The following PAK5 variants were observed in gnomAD, a reference collection of about 807,000 sequenced individuals.
The protein encoded by PAK5 is serine/threonine-protein kinase PAK 5.
In PAK5, 16 loss-of-function variants were observed where a neutral mutation model predicts 65.9. The ratio of observed to expected loss-of-function variants is 0.24; its 90% confidence interval spans 0.16 to 0.37. The LOEUF is 0.37. PAK5 is among the 10% of genes least tolerant of loss of function. PAK5 has a pLI of 1.00. For missense variants in PAK5, 785 were observed against 903.9 expected, an observed-to-expected ratio of 0.87 and a Z score of 1.69; for synonymous variants, 371 against 354.9, an observed-to-expected ratio of 1.05 and a Z score of -0.51.
intron 1 of PAK5, among the ~76,000 whole-genome samples, chr20:9,770,782 G>A (rs938364252): frequency 6.6e-6 from 1 of 152,152 alleles, no homozygotes; most frequent in African/African-American, 2.4e-5. Flanking sequence ...TGGGGTTGAA[G>A]AATCGTTGGA....
intron 4 of PAK5, among the ~76,000 whole-genome samples, chr20:9,569,738 C>T (rs1249730807): frequency 6.7e-6 from 1 of 149,148 alleles, no homozygotes; most frequent in Non-Finnish European, 1.5e-5. Context: ...ACACAGTGGG[C>T]TCTTTAAAAT....
chr20:9,604,864 T>A (rs2046423370), intron 3 of PAK5, among the ~76,000 whole-genome samples: 1 of 152,152 alleles, frequency 6.6e-6, no homozygotes, highest in African/African-American at 2.4e-5. Flanking sequence ...CTTGTACAAC[T>A]CCTCACTGGG....
In PAK5 at chr20:9,786,266, G is replaced by A. The variant is rs527600111; in HGVS notation, c.-162+52496C>T. Among the ~76,000 whole-genome samples, 22 of 152,122 alleles carry A rather than the reference G, an allele frequency of 1.4e-4. No homozygotes were observed. In the South Asian group the frequency reaches 3.5e-3, roughly 24 times the overall value. ...GGAAGTTGAGTATTTGAGCTTTCAAGGAAGAAGTAGGCTGTGAATGATTTT... is the reference window on the plus strand; with the variant it reads ...GGAAGTTGAGTATTTGAGCTTTCAAAGAAGAAGTAGGCTGTGAATGATTTT... On this transcript the variant is annotated intron_variant, in intron 1 of 9. Transcript: ENST00000353224.
At chr20:9,688,937 G>A (rs1271361549) in intron 2 of PAK5, among the ~76,000 whole-genome samples, 1 of 152,104 alleles carries the variant, frequency 6.6e-6, no homozygotes, top group Non-Finnish European at 1.5e-5. Flanking sequence ...CTGCACCAAC[G>A]TAGTTTCATC....
intron 2 of PAK5, among the ~76,000 whole-genome samples, chr20:9,682,998 G>A (rs1428828795): frequency 6.6e-6 from 1 of 152,158 alleles, no homozygotes; most frequent in Non-Finnish European, 1.5e-5. Flanking sequence ...AAAACTTAGC[G>A]CTTAAGTAAT....
intron 1 of PAK5, among the ~76,000 whole-genome samples, chr20:9,736,027 G>C (rs888805721): frequency 1.3e-5 from 2 of 150,846 alleles, no homozygotes; most frequent in Non-Finnish European, 2.9e-5. Context: ...TCAGCCTCCC[G>C]AGTAGCTGGG....
chr20:9,815,188 C>T (rs1169746681), intron 1 of PAK5, among the ~76,000 whole-genome samples: 2 of 152,196 alleles, frequency 1.3e-5, no homozygotes, highest in Non-Finnish European at 2.9e-5. Flanking sequence ...ATGATCCAAA[C>T]ACTTCCTACC....
intron 3 of PAK5, among the ~76,000 whole-genome samples, chr20:9,621,368 C>A (rs2046764670): frequency 7.1e-6 from 1 of 141,156 alleles, no homozygotes. Context: ...GAATAGACAG[C>A]TTAAAAAAAT....
intron 6 of PAK5, among the ~76,000 whole-genome samples, chr20:9,561,512 C>A (rs944582011): frequency 6.6e-6 from 1 of 152,096 alleles, no homozygotes; most frequent in Non-Finnish European, 1.5e-5. Flanking sequence ...CAAGAGTCTG[C>A]CAGCTGAATT....
chr20:9,784,065 G>T (rs2048968772), intron 1 of PAK5, among the ~76,000 whole-genome samples: 1 of 152,144 alleles, frequency 6.6e-6, no homozygotes, highest in African/African-American at 2.4e-5. Context: ...AGTAGCAGAT[G>T]CCAGTGTCCT....
intron 1 of PAK5, among the ~76,000 whole-genome samples, chr20:9,731,430 T>C (rs1188467602): frequency 6.6e-6 from 1 of 152,222 alleles, no homozygotes; most frequent in East Asian, 1.9e-4. Context: ...TTTTATGCTT[T>C]CAGCACAAAT....
At chr20:9,744,436 A>C (rs2048484342) in intron 1 of PAK5, among the ~76,000 whole-genome samples, 1 of 152,220 alleles carries the variant, frequency 6.6e-6, no homozygotes, top group South Asian at 2.1e-4. Flanking sequence ...AGATCATTTA[A>C]GCTCATTATA....
At chr20:9,680,711 G>A (rs1240641035) in intron 2 of PAK5, among the ~76,000 whole-genome samples, 2 of 152,196 alleles carry the variant, frequency 1.3e-5, no homozygotes, top group Non-Finnish European at 2.9e-5. Context: ...ATATAGACAT[G>A]TAGAGGAATG....
In PAK5 at chr20:9,580,888, T is replaced by C. The variant is rs1473864222; in HGVS notation, c.247A>G (p.Asn83Asp). The C allele has an allele frequency of 6.2e-7, 1 of 1,607,766 alleles. No homozygotes were observed. The highest frequency in any genetic ancestry group is 1.3e-5 in the African/African-American group (1 of 74,334). The change falls in exon 4 of 10, where the codon AAC becomes GAC. Residue 83 changes from asparagine (N) to aspartate (D), a missense_variant. Physicochemically the swap from Asn to Asp is conservative, Grantham distance 23. Around this residue, in one of 4 missense-constraint regions of PAK5, gnomAD observed 71 missense variants for 110.2 expected, o/e 0.64. Transcript: ENST00000353224. The part of the protein sequence containing the change: ...GNKPCKETSI[N>D]GLLEDFDNIS... ...TTGTCAAAATCCTCTAGCAGGCCGT[T>C]GATGGAGGTTTCCTTGCAGGGTTTG...
At chr20:9,601,362 T>A (rs1187683295) in intron 3 of PAK5, among the ~76,000 whole-genome samples, 2 of 152,046 alleles carry the variant, frequency 1.3e-5, no homozygotes, top group African/African-American at 4.8e-5. Context: ...ACAAAAAGGG[T>A]TAAAACAGAA....
At chr20:9,564,027 T>G (rs775075781) in intron 5 of PAK5, among the ~76,000 whole-genome samples, 1 of 152,022 alleles carries the variant, frequency 6.6e-6, no homozygotes, top group South Asian at 2.1e-4. Context: ...GACAAAGAGG[T>G]CAAGCAGCCG....
chr20:9,767,605 A>C (rs2048783334), intron 1 of PAK5, among the ~76,000 whole-genome samples: 1 of 152,152 alleles, frequency 6.6e-6, no homozygotes, highest in Non-Finnish European at 1.5e-5. Context: ...AATCCATAAA[A>C]GTGCCCATTT....
At chr20:9,650,960 A>C (rs976445479) in intron 2 of PAK5, among the ~76,000 whole-genome samples, 3 of 152,234 alleles carry the variant, frequency 2.0e-5, no homozygotes, top group African/African-American at 7.2e-5. Flanking sequence ...GAGGTGTTCA[A>C]AAAAGCAAGA....
At chr20:9,746,838 G>A (rs1050009706) in intron 1 of PAK5, among the ~76,000 whole-genome samples, 1 of 152,078 alleles carries the variant, frequency 6.6e-6, no homozygotes, top group Non-Finnish European at 1.5e-5. Flanking sequence ...TAAAATCAGA[G>A]CAGAACTGAA....
Sources: gnomAD v4.1 joint callset for allele counts (sites outside exome capture counted in the v4.1 genomes callset) on GRCh38, gnomAD v4.1.1 for gene constraint, gnomAD v4.1.1 regional missense constraint, MANE v1.5 for transcripts, NCBI Gene and HGNC (gene_info 2026-07-23, HGNC 2026-07-21) for gene names.